Variants in KIAA1217 observed in about 807,000 individuals in gnomAD.
KIAA1217 encodes KIAA1217.
A neutral mutation model predicts 163.9 loss-of-function variants in KIAA1217; 88 were observed. That is an observed-to-expected ratio of 0.54 (90% CI 0.45 to 0.64). KIAA1217 has a LOEUF of 0.64. Ranked by LOEUF, KIAA1217 falls within the 30% of genes least tolerant of loss-of-function variation. The probability of loss-of-function intolerance (pLI) is 0.00; values close to 1 mark genes in which losing one functional copy is unlikely to be tolerated. For missense variants in KIAA1217, 2,372 were observed against 2,475.0 expected (o/e 0.96, Z 0.88); for synonymous variants, 903 against 923.1 (o/e 0.98, Z 0.39).
chr10:24,379,906 G>A (rs1351000038), intron 2 of KIAA1217, among the ~76,000 whole-genome samples: 1 of 152,054 alleles, frequency 6.6e-6, no homozygotes, highest in Non-Finnish European at 1.5e-5. Flanking sequence ...ACAAAAATTA[G>A]CTGGGCATGA....
chr10:24,059,332 A>G (rs1175789595), intron 2 of KIAA1217, among the ~76,000 whole-genome samples: 2 of 151,832 alleles, frequency 1.3e-5, no homozygotes, highest in African/African-American at 4.8e-5. Context: ...ATGGGCCCGC[A>G]ATTTTCTTTC....
At chr10:24,155,260 T>C (rs970793581) in intron 2 of KIAA1217, among the ~76,000 whole-genome samples, 14 of 152,308 alleles carry the variant, frequency 9.2e-5, no homozygotes, top group African/African-American at 3.1e-4. Flanking sequence ...TGGCTGTCCG[T>C]AACTGGAGAT....
intron 2 of KIAA1217, among the ~76,000 whole-genome samples, chr10:24,008,813 C>T (rs528318958): frequency 2.0e-4 from 31 of 152,232 alleles, no homozygotes; most frequent in African/African-American, 4.6e-4. Flanking sequence ...TAGATGCTGC[C>T]GTAACACGAG....
At chr10:23,800,915 G>A (rs537180988) in intron 1 of KIAA1217, among the ~76,000 whole-genome samples, 1 of 152,244 alleles carries the variant, frequency 6.6e-6, no homozygotes, top group South Asian at 2.1e-4. Flanking sequence ...AACATAGTGT[G>A]GCAATTTCTC....
intron 2 of KIAA1217, among the ~76,000 whole-genome samples, chr10:24,299,386 C>A (rs2041018482): frequency 1.3e-5 from 2 of 152,122 alleles, no homozygotes; most frequent in African/African-American, 4.8e-5. Flanking sequence ...TTTCTCATGG[C>A]AACGTAAGTG....
At chr10:24,321,453 A>C (rs771746191) in intron 2 of KIAA1217, among the ~76,000 whole-genome samples, 5 of 152,006 alleles carry the variant, frequency 3.3e-5, no homozygotes, top group Admixed American at 6.6e-5. Context: ...GAATTGCTTG[A>C]ACCCAGGAGG....
At chr10:24,161,204 G>T (rs2065103077) in intron 2 of KIAA1217, among the ~76,000 whole-genome samples, 1 of 152,142 alleles carries the variant, frequency 6.6e-6, no homozygotes, top group African/African-American at 2.4e-5. Flanking sequence ...AGAGCCTTGG[G>T]GAAACATGTT....
chr10:24,275,051 C>T (rs982676746), intron 2 of KIAA1217, among the ~76,000 whole-genome samples: 3 of 152,182 alleles, frequency 2.0e-5, no homozygotes, highest in African/African-American at 7.2e-5. Context: ...GATCTTCCCA[C>T]CTCAGCCTCC....
intron 2 of KIAA1217, among the ~76,000 whole-genome samples, chr10:24,233,169 T>C (rs1590099624): frequency 6.6e-6 from 1 of 151,972 alleles, no homozygotes; most frequent in Non-Finnish European, 1.5e-5. Context: ...ACCCAACATC[T>C]GCCCTCTCTT....
chr10:24,545,368 T>C (rs2075617670), intron 20 of KIAA1217: 2 of 1,359,496 alleles, frequency 1.5e-6, no homozygotes, highest in Admixed American at 3.1e-5. Context: ...CCAGGTGGCT[T>C]TTCTTTGGTG....
intron 5 of KIAA1217, among the ~76,000 whole-genome samples, chr10:24,457,192 TAAAGATAATGC>T (rs1317211552): frequency 1.3e-5 from 2 of 152,082 alleles, no homozygotes; most frequent in Non-Finnish European, 2.9e-5. Context: ...TTCTGAAAAG[TAAAGATAATGC>T]AAAGATAAAA....
chr10:23,736,898 T>G (rs1317026424), intron 1 of KIAA1217, among the ~76,000 whole-genome samples: 1 of 152,210 alleles, frequency 6.6e-6, no homozygotes, highest in South Asian at 2.1e-4. Context: ...TGGGCTATTC[T>G]TGGCCTTTGT....
intron 1 of KIAA1217, among the ~76,000 whole-genome samples, chr10:23,851,257 T>C (rs1000981466): frequency 9.9e-5 from 15 of 152,234 alleles, no homozygotes; most frequent in African/African-American, 3.6e-4. Context: ...AGTGAGAACA[T>C]GCAGTGTTTG....
At chr10:24,015,437 G>C (rs1847430830) in intron 2 of KIAA1217, among the ~76,000 whole-genome samples, 1 of 152,018 alleles carries the variant, frequency 6.6e-6, no homozygotes, top group African/African-American at 2.4e-5. Flanking sequence ...ATGATTGTTA[G>C]GGAGGTTTAT....
intron 2 of KIAA1217, among the ~76,000 whole-genome samples, chr10:24,202,067 T>C (rs1564822041): frequency 6.6e-6 from 1 of 152,208 alleles, no homozygotes; most frequent in Non-Finnish European, 1.5e-5. Context: ...GCTGCAGGAC[T>C]GTCAGCCTCC....
At chr10:24,074,068 G>T (rs187400372) in intron 2 of KIAA1217, among the ~76,000 whole-genome samples, 6 of 152,216 alleles carry the variant, frequency 3.9e-5, no homozygotes, top group African/African-American at 1.4e-4. Context: ...ATTAGGCCAG[G>T]CATGGTGGCT....
At chr10:24,401,670 C>T (rs955385849) in intron 3 of KIAA1217, among the ~76,000 whole-genome samples, 6 of 152,138 alleles carry the variant, frequency 3.9e-5, no homozygotes, top group Admixed American at 2.0e-4. Flanking sequence ...AGGGAACAGC[C>T]AGGAGTGTCT....
chr10:24,060,099 G>T (rs1304259335), intron 2 of KIAA1217, among the ~76,000 whole-genome samples: 3 of 151,938 alleles, frequency 2.0e-5, no homozygotes, highest in East Asian at 3.9e-4. Context: ...CTAGCTAAAG[G>T]TGTGTCAATT....
At chr10:24,404,783 A>G (rs562020696) in intron 3 of KIAA1217, among the ~76,000 whole-genome samples, 1 of 152,314 alleles carries the variant, frequency 6.6e-6, no homozygotes, top group Non-Finnish European at 1.5e-5. Flanking sequence ...CGATACATGC[A>G]TACCATGGAA....
Sources: gnomAD v4.1 joint callset for allele counts (sites outside exome capture counted in the v4.1 genomes callset) on GRCh38, gnomAD v4.1.1 for gene constraint, MANE v1.5 for transcripts, NCBI Gene and HGNC (gene_info 2026-07-23, HGNC 2026-07-21) for gene names.